The following SOX6 variants were observed in gnomAD, a reference collection of about 807,000 sequenced individuals.
SOX6 encodes SRY-box transcription factor 6.
SOX6 carries 11 observed loss-of-function variants against 97.8 expected under a neutral mutation model. The observed-to-expected ratio is 0.11, with a 90% CI of 0.07 to 0.19. SOX6 has a LOEUF of 0.19. Among genes scored for constraint, SOX6 ranks in the 10% least tolerant of loss-of-function variants. SOX6 has a pLI of 1.00. For synonymous variants in SOX6, 360 were observed against 371.4 expected, an observed-to-expected ratio of 0.97 and a Z score of 0.35; for missense variants, 810 against 1,039.5, an observed-to-expected ratio of 0.78 and a Z score of 3.04.
At chr11:16,226,813 T>G (rs1441573514) in intron 4 of SOX6, among the ~76,000 whole-genome samples, 3 of 152,148 alleles carry the variant, frequency 2.0e-5, no homozygotes, top group African/African-American at 4.8e-5. Context: ...ATATCACTCC[T>G]GGTTTGCCAT....
chr11:16,674,124 A>G (rs1847867213), intron 3 of SOX6, among the ~76,000 whole-genome samples: 1 of 138,440 alleles, frequency 7.2e-6, no homozygotes, highest in South Asian at 2.4e-4. Context: ...CAGGAGGTGG[A>G]GCTTGCAGTG....
chr11:16,113,033 C>T (rs1469783849), intron 6 of SOX6, among the ~76,000 whole-genome samples: 2 of 152,178 alleles, frequency 1.3e-5, no homozygotes, highest in East Asian at 1.9e-4. Flanking sequence ...CCAAACCCTT[C>T]CCTGTCTAAA....
chr11:16,554,656 A>C (rs1847730907), intron 4 of SOX6, among the ~76,000 whole-genome samples: 1 of 152,170 alleles, frequency 6.6e-6, no homozygotes, highest in Non-Finnish European at 1.5e-5. Flanking sequence ...ACAAATGTGA[A>C]GGATTTCTGG....
At chr11:16,587,691 T>A (rs1848109741) in intron 4 of SOX6, among the ~76,000 whole-genome samples, 1 of 152,230 alleles carries the variant, frequency 6.6e-6, no homozygotes, top group Non-Finnish European at 1.5e-5. Context: ...AAGTTGTTAA[T>A]GAAAATAGGG....
chr11:16,355,836 A>G (rs1049525590), intron 1 of SOX6, among the ~76,000 whole-genome samples: 3 of 152,074 alleles, frequency 2.0e-5, no homozygotes, highest in Admixed American at 1.3e-4. Flanking sequence ...AATCTACGAG[A>G]TGCTACAAAT....
At chr11:16,171,351 T>C (rs913892139) in intron 6 of SOX6, among the ~76,000 whole-genome samples, 6 of 152,050 alleles carry the variant, frequency 3.9e-5, no homozygotes, top group African/African-American at 1.4e-4. Flanking sequence ...GCCAGTATTG[T>C]AGTAGTTTCT....
At chr11:16,579,151 C>T (rs1848008634) in intron 4 of SOX6, among the ~76,000 whole-genome samples, 1 of 152,006 alleles carries the variant, frequency 6.6e-6, no homozygotes, top group Non-Finnish European at 1.5e-5. Context: ...TGCATATGAA[C>T]ATGAACACAT....
At chr11:16,691,419 A>G (rs1402850643) in intron 3 of SOX6, among the ~76,000 whole-genome samples, 1 of 152,238 alleles carries the variant, frequency 6.6e-6, no homozygotes, top group Non-Finnish European at 1.5e-5. Context: ...AGCATCAAAG[A>G]GAAAGATTTT....
At chr11:16,360,050 A>G (rs1325742672), upstream of SOX6, among the ~76,000 whole-genome samples, 1 of 152,202 alleles carries the variant, frequency 6.6e-6, no homozygotes, top group Non-Finnish European at 1.5e-5. Flanking sequence ...TATACTTCTA[A>G]TGATATCAGT....
intron 3 of SOX6, among the ~76,000 whole-genome samples, chr11:16,639,635 G>C (rs557424575): frequency 1.1e-4 from 17 of 152,094 alleles, no homozygotes; most frequent in East Asian, 9.7e-4. Flanking sequence ...CTTCACATCC[G>C]TTTTAAGTTG....
intron 6 of SOX6, 84 bp from the exon 7 acceptor site, chr11:16,112,007 T>A: frequency 6.4e-7 from 1 of 1,563,804 alleles, no homozygotes; most frequent in Non-Finnish European, 8.7e-7. Context: ...GGTGGTGTGC[T>A]GGTACCCACA....
At chr11:16,380,929 C>A (rs1857794857) in intron 1 of SOX6, among the ~76,000 whole-genome samples, 1 of 151,998 alleles carries the variant, frequency 6.6e-6, no homozygotes, top group Non-Finnish European at 1.5e-5. Context: ...AAAGTCCCGG[C>A]CCTGATTTCT....
chr11:16,444,262 A>G (rs1044839794), intron 1 of SOX6, among the ~76,000 whole-genome samples: 4 of 152,160 alleles, frequency 2.6e-5, no homozygotes, highest in African/African-American at 9.7e-5. Context: ...TGGTTCTGCC[A>G]ACACTCTCTT....
At chr11:16,124,647 T>G (rs189830339) in intron 6 of SOX6, among the ~76,000 whole-genome samples, 1 of 150,556 alleles carries the variant, frequency 6.6e-6, no homozygotes, top group Admixed American at 6.6e-5. Flanking sequence ...GCATAGAGAG[T>G]GGTAGGGGAA....
At chr11:16,588,752 G>C (rs1406190406) in intron 4 of SOX6, among the ~76,000 whole-genome samples, 4 of 152,212 alleles carry the variant, frequency 2.6e-5, no homozygotes, top group Non-Finnish European at 5.9e-5. Flanking sequence ...CACTAGGCCA[G>C]GCACCATGGC....
At chr11:16,482,028 G>A (rs1026103450) in intron 4 of SOX6, among the ~76,000 whole-genome samples, 1 of 152,172 alleles carries the variant, frequency 6.6e-6, no homozygotes, top group African/African-American at 2.4e-5. Flanking sequence ...GAAAAAGACA[G>A]CTAGATTATC....
intron 1 of SOX6, among the ~76,000 whole-genome samples, chr11:16,432,956 C>T (rs1859298443): frequency 1.3e-5 from 2 of 151,958 alleles, no homozygotes. Context: ...TCTGTGGGGG[C>T]TTGCTGTACA....
intron 1 of SOX6, among the ~76,000 whole-genome samples, chr11:16,454,756 T>C (rs752483703): frequency 6.6e-6 from 1 of 152,092 alleles, no homozygotes; most frequent in Non-Finnish European, 1.5e-5. Context: ...TGGTTGAAGA[T>C]CTATTCCATT....
At chr11:16,571,763 T>C (rs1205649399) in intron 4 of SOX6, among the ~76,000 whole-genome samples, 1 of 152,174 alleles carries the variant, frequency 6.6e-6, no homozygotes, top group Non-Finnish European at 1.5e-5. Context: ...GCAATTCTCC[T>C]GCCTCAGCCT....
Sources: gnomAD v4.1 joint callset for allele counts (sites outside exome capture counted in the v4.1 genomes callset) on GRCh38, gnomAD v4.1.1 for gene constraint, MANE v1.5 for transcripts, NCBI Gene and HGNC (gene_info 2026-07-23, HGNC 2026-07-21) for gene names.